The following NME7 variants were observed in gnomAD, a reference collection of about 807,000 sequenced individuals.
NME7 encodes the protein NME/NM23 family member 7.
NME7 carries 41 observed loss-of-function variants against 49.1 expected under a neutral mutation model. That is an observed-to-expected ratio of 0.83 (90% confidence interval 0.65 to 1.08). The LOEUF is 1.08. Among genes scored for constraint, NME7 ranks in the 50% least tolerant of loss-of-function variants. The pLI is 0.00. For missense variants in NME7, 423 were observed against 463.4 expected (o/e 0.91, Z 0.80); for synonymous variants, 139 against 150.6 (o/e 0.92, Z 0.56).
intron 10 of NME7, among the ~76,000 whole-genome samples, chr1:169,183,645 C>A (rs968657614): frequency 6.6e-6 from 1 of 151,224 alleles, no homozygotes; most frequent in Non-Finnish European, 1.5e-5. Context: ...ACTGAAAATA[C>A]AAAAAAATTA....
intron 1 of NME7, among the ~76,000 whole-genome samples, chr1:169,332,066 A>C (rs1311628021): frequency 1.3e-5 from 2 of 152,204 alleles, no homozygotes; most frequent in African/African-American, 4.8e-5. Flanking sequence ...CTGACTTCAA[A>C]TTATACTACA....
chr1:169,245,635 T>C (rs770837345), intron 7 of NME7, among the ~76,000 whole-genome samples: 3 of 152,134 alleles, frequency 2.0e-5, no homozygotes, highest in Non-Finnish European at 2.9e-5. Context: ...TTAATAACCA[T>C]AACCAATTTA....
chr1:169,326,352 G>A (rs141863969), intron 1 of NME7, among the ~76,000 whole-genome samples: 1 of 152,186 alleles, frequency 6.6e-6, no homozygotes, highest in African/African-American at 2.4e-5. Flanking sequence ...AACTAGAAAA[G>A]TAGGATATCA....
At chr1:169,245,083 T>G (rs553917694) in intron 7 of NME7, among the ~76,000 whole-genome samples, 1 of 152,318 alleles carries the variant, frequency 6.6e-6, no homozygotes, top group East Asian at 1.9e-4. Context: ...GAGCCAAGAT[T>G]ATGCCACTGT....
At chr1:169,180,703 A>G (rs1326222677) in intron 10 of NME7, among the ~76,000 whole-genome samples, 1 of 152,234 alleles carries the variant, frequency 6.6e-6, no homozygotes, top group African/African-American at 2.4e-5. Context: ...CCACATTAAT[A>G]AGAAGTGAAA....
chr1:169,190,613 C>A (rs1028701479), intron 10 of NME7: 2 of 424,346 alleles, frequency 4.7e-6, no homozygotes, highest in African/African-American at 2.1e-5. Context: ...TTATAACTTA[C>A]ATTTAAAAAT....
intron 6 of NME7, among the ~76,000 whole-genome samples, chr1:169,295,747 A>G (rs751307795): frequency 6.6e-5 from 10 of 152,148 alleles, no homozygotes; most frequent in Non-Finnish European, 1.3e-4. Flanking sequence ...CCATTAATTC[A>G]GTATAGCAAT....
intron 10 of NME7, among the ~76,000 whole-genome samples, chr1:169,219,066 C>G (rs1413288123): frequency 6.6e-6 from 1 of 152,010 alleles, no homozygotes; most frequent in Non-Finnish European, 1.5e-5. Context: ...CCTTCTTTGC[C>G]AAGCCAAATT....
chr1:169,301,322 A>G (rs1007714744), intron 5 of NME7, among the ~76,000 whole-genome samples: 2 of 152,190 alleles, frequency 1.3e-5, no homozygotes, highest in Non-Finnish European at 2.9e-5. Context: ...ATACGAAAAA[A>G]CGCTCAATAT....
intron 3 of NME7, among the ~76,000 whole-genome samples, chr1:169,315,084 A>T (rs570184640): frequency 6.6e-6 from 1 of 152,256 alleles, no homozygotes; most frequent in East Asian, 1.9e-4. Flanking sequence ...TAGACAAATG[A>T]TAATTACATT....
chr1:169,214,630 A>G (rs1660924873), intron 10 of NME7, among the ~76,000 whole-genome samples: 1 of 152,242 alleles, frequency 6.6e-6, no homozygotes, highest in Non-Finnish European at 1.5e-5. Context: ...CCATGTCAAG[A>G]AACAAAGGTA....
intron 3 of NME7, among the ~76,000 whole-genome samples, chr1:169,320,296 T>C (rs1651806590): frequency 6.6e-6 from 1 of 152,184 alleles, no homozygotes; most frequent in South Asian, 2.1e-4. Context: ...GTGAATCAAA[T>C]GTCAGATTTC....
At chr1:169,179,972 G>GA (rs66982541) in intron 10 of NME7, among the ~76,000 whole-genome samples, 75 of 143,772 alleles carry the variant, frequency 5.2e-4, no homozygotes, top group South Asian at 8.9e-4. Context: ...ATAAAAGTTG[G>GA]AAAAAAAAAA....
chr1:169,135,581 C>T (rs778495508), intron 11 of NME7, among the ~76,000 whole-genome samples: 2 of 152,086 alleles, frequency 1.3e-5, no homozygotes, highest in African/African-American at 4.8e-5. Flanking sequence ...ATGACTTTCT[C>T]CTTTTTTCTT....
chr1:169,216,298 G>A (rs11810319), intron 10 of NME7, among the ~76,000 whole-genome samples: 1 of 151,986 alleles, frequency 6.6e-6, no homozygotes, highest in African/African-American at 2.4e-5. Context: ...CTAACTTTTC[G>A]GGAGGGAAGA....
chr1:169,313,388 G>A (rs1386716214), intron 3 of NME7, among the ~76,000 whole-genome samples: 2 of 151,942 alleles, frequency 1.3e-5, no homozygotes, highest in African/African-American at 2.4e-5. Context: ...TACCACCCCC[G>A]CTTAAGGTGA....
intron 10 of NME7, among the ~76,000 whole-genome samples, chr1:169,180,817 T>C (rs1370135199): frequency 1.3e-5 from 2 of 152,206 alleles, no homozygotes; most frequent in Non-Finnish European, 2.9e-5. Flanking sequence ...TCTTAATTTA[T>C]GCTAAATTTT....
intron 6 of NME7, among the ~76,000 whole-genome samples, chr1:169,289,681 C>T (rs918416452): frequency 3.9e-5 from 6 of 152,062 alleles, no homozygotes; most frequent in African/African-American, 7.2e-5. Context: ...TTTCTTTTCT[C>T]GCTCAATTTT....
intron 7 of NME7, chr1:169,285,150 T>A (rs1430626302): frequency 6.6e-6 from 1 of 152,182 alleles, no homozygotes; most frequent in Admixed American, 6.6e-5. Context: ...TTCAATTTTT[T>A]TTTTGATTTT....
Sources: gnomAD v4.1 joint callset for allele counts (sites outside exome capture counted in the v4.1 genomes callset) on GRCh38, gnomAD v4.1.1 for gene constraint, MANE v1.5 for transcripts, NCBI Gene and HGNC (gene_info 2026-07-23, HGNC 2026-07-21) for gene names.